Variants in ALS2 observed in about 807,000 individuals in gnomAD.
The protein encoded by ALS2 is alsin.
A neutral mutation model predicts 203.4 loss-of-function variants in ALS2; 117 were observed. The ratio of observed to expected loss-of-function variants is 0.58; its 90% CI spans 0.50 to 0.67. The LOEUF (loss-of-function observed/expected upper bound fraction) is 0.67, where lower values mean the gene tolerates loss of function less well. Ranked by LOEUF, ALS2 falls within the 30% of genes least tolerant of loss-of-function variation. The probability of loss-of-function intolerance (pLI) is 0.00; values close to 1 mark genes in which losing one functional copy is unlikely to be tolerated. For synonymous variants in ALS2, 718 were observed against 725.9 expected (o/e 0.99, Z 0.17); for missense variants, 1,715 against 1,989.4 (o/e 0.86, Z 2.62).
At chr2:201,704,978 G>A (rs1161366753) in intron 31 of ALS2, among the ~76,000 whole-genome samples, 161 bp downstream of exon 31, 2 of 152,134 alleles carry the variant, frequency 1.3e-5, no homozygotes, top group African/African-American at 2.4e-5. Flanking sequence ...GATAACCCAA[G>A]GGTCTCATTC....
At chr2:201,768,047 G>A (rs948679453) in intron 2 of ALS2, among the ~76,000 whole-genome samples, 1 of 152,130 alleles carries the variant, frequency 6.6e-6, no homozygotes, top group Non-Finnish European at 1.5e-5. Flanking sequence ...GCTACAACAT[G>A]CCCAAGTTGA....
At chr2:201,765,515 A>G (rs1694030338) in intron 3 of ALS2, 1 of 167,148 alleles carries the variant, frequency 6.0e-6, no homozygotes, top group South Asian at 2.1e-4. Flanking sequence ...CTGATATAAG[A>G]CAAACTAGAA....
At chr2:201,713,197 C>A (rs546631097) in intron 25 of ALS2, among the ~76,000 whole-genome samples, 1 of 129,204 alleles carries the variant, frequency 7.7e-6, no homozygotes, top group Non-Finnish European at 1.5e-5. Flanking sequence ...AGTGCAATGG[C>A]GCTATCTCGG....
intron 3 of ALS2, among the ~76,000 whole-genome samples, chr2:201,766,327 T>C (rs774042915): frequency 6.6e-5 from 10 of 152,112 alleles, no homozygotes; most frequent in Non-Finnish European, 7.4e-5. Context: ...AGTAAGAATA[T>C]ATCTTGAAAA....
intron 12 of ALS2, among the ~76,000 whole-genome samples, chr2:201,734,194 G>A (rs1290039009): frequency 6.6e-6 from 1 of 152,186 alleles, no homozygotes. Context: ...GAGTTGGTGA[G>A]CTGGGTGCAG....
chr2:201,765,858 A>T (rs1449542607), intron 3 of ALS2: 1 of 167,090 alleles, frequency 6.0e-6, no homozygotes, highest in Non-Finnish European at 1.5e-5. Context: ...GAGAAAGTTC[A>T]GCCAAGTGGC....
rs1159891470 is a variant in ALS2, at chr2:201,746,548, G to A, written c.1998+18C>T. 1.9e-6 allele frequency: 3 copies of A among 1,613,652 alleles called. No individual in the cohort carries two copies. In the Admixed American group the frequency reaches 5.0e-5, roughly 27 times the overall value. On this transcript the variant is annotated intron_variant, in intron 9 of 33. Coordinates refer to ENST00000264276, the MANE Select transcript of ALS2 (RefSeq NM_020919.4). ...ATGTGTTACTGAATGTGGGCCTTAG[G>A]ATCCAATTCCTGTTCACCTTACTAC...
At chr2:201,780,601 C>T (rs1286314727) in intron 1 of ALS2, among the ~76,000 whole-genome samples, 2 of 152,196 alleles carry the variant, frequency 1.3e-5, no homozygotes, top group Admixed American at 1.3e-4. Flanking sequence ...ACCACTGCAG[C>T]GGCGCCCAGT....
chr2:201,739,371 T>C (rs957331253), intron 11 of ALS2, among the ~76,000 whole-genome samples: 7 of 152,120 alleles, frequency 4.6e-5, no homozygotes, highest in African/African-American at 7.2e-5. Context: ...ATTAACATAC[T>C]TGAGAAAACA....
At position 201,707,019 on chromosome 2, in the gene ALS2, A is replaced by G. The variant is rs200321252; in HGVS notation, c.4407T>C (p.Tyr1469=). The G allele has an allele frequency of 6.1e-5, 99 of 1,613,116 alleles. No homozygotes were observed. The African/African-American group carries it at 9.5e-4, about 15-fold the overall frequency. The change falls in exon 29 of 34, where the codon TAT becomes TAC. Residue 1469 remains tyrosine (Y), a synonymous_variant. Transcript: ENST00000264276. The part of the protein sequence containing the change: ...DSRSESPEPG[Y]VVTSSGLLLP... ...GCAATAATCCAGAACTCGTTACTAC[A>G]TAACTACAAAATAATGGAGTGGGAG...
In ALS2 at chr2:201,728,622, C is replaced by T. The variant is rs758931145; in HGVS notation, c.2731G>A (p.Glu911Lys). The change falls in exon 15 of 34, where the codon GAG (glutamate) becomes AAG (lysine). Residue 911 changes from glutamate (E) to lysine (K), a missense_variant. Physicochemically the swap from Glu to Lys is moderately conservative, Grantham distance 56. Around this residue, in one of 3 missense-constraint regions of ALS2, gnomAD observed 1,227 missense variants for 1,413.5 expected, o/e 0.87. Coordinates refer to ENST00000264276, the MANE Select transcript of ALS2 (RefSeq NM_020919.4). ...CTACTCTCACACAGCAGTCGACGCT[C>T]TGGCTTCCTCAAGGAATCCTGGAAT... ...GKMTDSLRKP[E>K]RRLLCESSNR... 2 of 1,614,096 alleles carry T rather than the reference C, an allele frequency of 1.2e-6. No individual in the cohort carries two copies. The highest frequency in any genetic ancestry group is 1.7e-5 in the Admixed American group (1 of 60,020).
intron 1 of ALS2, among the ~76,000 whole-genome samples, chr2:201,774,957 A>G (rs574597484): frequency 6.6e-6 from 1 of 152,202 alleles, no homozygotes; most frequent in Admixed American, 6.5e-5. Context: ...ATGGCTCTCT[A>G]TAGAGTTAGA....
rs760201551 is a variant in ALS2, at chr2:201,705,451, G to C, written c.4591C>G (p.Pro1531Ala). 11 of 1,612,680 alleles carry C rather than the reference G, an allele frequency of 6.8e-6. No homozygotes were observed. In the African/African-American group the frequency reaches 1.5e-4, roughly 22 times the overall value. ...GFLGVQRKFW[P>A]ATLSILGESK... ...TCTCCAAGGATTGACAAGGTTGCTG[G>C]CCAAAATTTCCTATAATGGAATCCA... Residue 1531 changes from proline (P) to alanine (A), a missense_variant, in exon 30 of 34, where the codon CCA becomes GCA. Physicochemically the swap from Pro to Ala is conservative, Grantham distance 27 (BLOSUM62 -1). This residue lies in a region of ALS2 where 1,227 missense variants were observed against 1,413.5 expected (regional missense o/e 0.87). Coordinates refer to ENST00000264276, the MANE Select transcript of ALS2 (RefSeq NM_020919.4).
chr2:201,743,227 T>A (rs1042360441), intron 10 of ALS2, among the ~76,000 whole-genome samples: 4 of 152,072 alleles, frequency 2.6e-5, no homozygotes, highest in Non-Finnish European at 1.5e-5. Context: ...AACTTCCTGT[T>A]TTCTGACTGT....
chr2:201,756,888 A>C (rs1693433543), intron 5 of ALS2, among the ~76,000 whole-genome samples: 1 of 145,276 alleles, frequency 6.9e-6, no homozygotes, highest in Non-Finnish European at 1.5e-5. Flanking sequence ...TCTGCAGGCC[A>C]CTCTTGAGAA....
intron 1 of ALS2, chr2:201,778,352 T>G (rs1239122062): frequency 6.6e-6 from 1 of 152,182 alleles, no homozygotes; most frequent in Admixed American, 6.5e-5. Flanking sequence ...CTCATAGGTA[T>G]TGAGAAAACT....
At chr2:201,722,668 C>T (rs1944184669) in intron 23 of ALS2, 1 of 196,930 alleles carries the variant, frequency 5.1e-6, no homozygotes, top group Non-Finnish European at 1.0e-5. Flanking sequence ...ACTATACATG[C>T]CACAATATGG....
intron 3 of ALS2, chr2:201,763,195 A>G (rs776518401): frequency 1.4e-5 from 3 of 215,634 alleles, no homozygotes; most frequent in African/African-American, 2.4e-5. Flanking sequence ...CCGTGCACAG[A>G]GGCTACTGGG....
chr2:201,770,960 T>C (rs764230603), intron 1 of ALS2, among the ~76,000 whole-genome samples: 33 of 152,276 alleles, frequency 2.2e-4, no homozygotes, highest in Non-Finnish European at 3.5e-4. Context: ...TTTAAGCCAC[T>C]AAGTTCATAA....
Sources: gnomAD v4.1 joint callset for allele counts (sites outside exome capture counted in the v4.1 genomes callset) on GRCh38, gnomAD v4.1.1 for gene constraint, gnomAD v4.1.1 regional missense constraint, MANE v1.5 for transcripts, NCBI Gene and HGNC (gene_info 2026-07-23, HGNC 2026-07-21) for gene names.